The following ELP4 variants were observed in gnomAD, a reference collection of about 807,000 sequenced individuals.
ELP4 encodes the protein elongator complex protein 4.
ELP4 carries 51 observed loss-of-function variants against 48.9 expected under a neutral mutation model. The ratio of observed to expected loss-of-function variants is 1.04; its 90% CI spans 0.83 to 1.32. ELP4 has a LOEUF of 1.32. Ranked by LOEUF, ELP4 falls within the 40% of genes most tolerant of loss-of-function variation. The pLI, the probability that ELP4 is intolerant of heterozygous loss-of-function variation, is 0.00. For synonymous variants in ELP4, 210 were observed against 189.2 expected (o/e 1.11, Z -0.90); for missense variants, 519 against 514.6 (o/e 1.01, Z -0.08).
intron 9 of ELP4, among the ~76,000 whole-genome samples, chr11:31,753,599 G>A (rs991248335): frequency 1.3e-5 from 2 of 152,276 alleles, no homozygotes; most frequent in South Asian, 2.1e-4. Context: ...TATGGATACC[G>A]TGGATGTTTT....
chr11:31,781,406 G>A (rs1004256027), intron 9 of ELP4, among the ~76,000 whole-genome samples: 2 of 148,466 alleles, frequency 1.3e-5, no homozygotes, highest in Non-Finnish European at 3.0e-5. Context: ...GCTTCCTCAC[G>A]TGGACACTGA....
intron 9 of ELP4, among the ~76,000 whole-genome samples, chr11:31,721,704 T>C (rs955375877): frequency 1.3e-5 from 2 of 152,078 alleles, no homozygotes; most frequent in African/African-American, 4.8e-5. Flanking sequence ...AAAATATCAA[T>C]GAGCAAATCA....
intron 9 of ELP4, among the ~76,000 whole-genome samples, chr11:31,674,996 A>T (rs1945891817): frequency 6.6e-6 from 1 of 152,164 alleles, no homozygotes; most frequent in South Asian, 2.1e-4. Context: ...ACAACGTGGC[A>T]GTAACAAAGC....
chr11:31,596,856 T>C (rs1244855364), intron 4 of ELP4, among the ~76,000 whole-genome samples: 2 of 151,970 alleles, frequency 1.3e-5, no homozygotes, highest in East Asian at 3.9e-4. Flanking sequence ...TGGGCAGAAA[T>C]ATGAAAAGGA....
At chr11:31,712,123 A>G (rs538675934) in intron 9 of ELP4, among the ~76,000 whole-genome samples, 7 of 152,226 alleles carry the variant, frequency 4.6e-5, no homozygotes, top group Admixed American at 6.6e-5. Context: ...TGAACAACCT[A>G]GAATATAACA....
chr11:31,617,231 A>C (rs946885369), intron 5 of ELP4, among the ~76,000 whole-genome samples: 1 of 152,154 alleles, frequency 6.6e-6, no homozygotes, highest in Non-Finnish European at 1.5e-5. Context: ...TAGCCTTAAA[A>C]ATGATGGAAA....
chr11:31,688,322 C>T (rs1351448971), intron 9 of ELP4, among the ~76,000 whole-genome samples: 1 of 152,148 alleles, frequency 6.6e-6, no homozygotes, highest in East Asian at 1.9e-4. Flanking sequence ...ATCCTCACCC[C>T]TGGGAGATAC....
At chr11:31,601,114 A>G (rs1032912176) in intron 4 of ELP4, among the ~76,000 whole-genome samples, 1 of 151,552 alleles carries the variant, frequency 6.6e-6, no homozygotes, top group Non-Finnish European at 1.5e-5. Context: ...AAATGTGTCA[A>G]TTTTTATTGA....
At chr11:31,604,012 A>G in intron 5 of ELP4, 105 bp downstream of exon 5, 2 of 776,534 alleles carry the variant, frequency 2.6e-6, no homozygotes, top group Non-Finnish European at 3.8e-6. Context: ...AAATATCATA[A>G]TAATAAATAT....
intron 3 of ELP4, among the ~76,000 whole-genome samples, chr11:31,577,768 T>A (rs1565063359): frequency 6.6e-6 from 1 of 152,138 alleles, no homozygotes. Flanking sequence ...AAACTCTCAA[T>A]AAACTAGGTA....
intron 9 of ELP4, among the ~76,000 whole-genome samples, chr11:31,718,306 C>A (rs1431533974): frequency 6.6e-6 from 1 of 152,150 alleles, no homozygotes; most frequent in Non-Finnish European, 1.5e-5. Flanking sequence ...TGCAGATATA[C>A]CTGCCCAAGA....
At chr11:31,717,478 A>T (rs1946865390) in intron 9 of ELP4, among the ~76,000 whole-genome samples, 1 of 152,184 alleles carries the variant, frequency 6.6e-6, no homozygotes, top group East Asian at 1.9e-4. Context: ...ATTTATGGCC[A>T]GGCACAATGG....
chr11:31,747,138 T>C (rs1947613271), intron 9 of ELP4, among the ~76,000 whole-genome samples: 1 of 152,138 alleles, frequency 6.6e-6, no homozygotes, highest in Non-Finnish European at 1.5e-5. Flanking sequence ...GGTATAACCT[T>C]CTCTTTTTAA....
chr11:31,748,243 CTTT>C (rs374889218), intron 9 of ELP4, among the ~76,000 whole-genome samples: 3 of 130,546 alleles, frequency 2.3e-5, no homozygotes, highest in Non-Finnish European at 3.3e-5. Flanking sequence ...AAACCAAGAT[CTTT>C]TTTTTTTTTT....
chr11:31,510,959 T>G (rs901973554), intron 1 of ELP4: 9 of 152,348 alleles, frequency 5.9e-5, no homozygotes, highest in African/African-American at 2.2e-4. Context: ...CTTGTACACT[T>G]TCATAAAATA....
intron 9 of ELP4, among the ~76,000 whole-genome samples, chr11:31,679,527 T>C (rs1333436258): frequency 6.6e-6 from 1 of 152,184 alleles, no homozygotes; most frequent in Non-Finnish European, 1.5e-5. Flanking sequence ...CTTGCACATG[T>C]CTGAGTTTAA....
chr11:31,725,484 C>T (rs966466526), intron 9 of ELP4, among the ~76,000 whole-genome samples: 2 of 152,226 alleles, frequency 1.3e-5, no homozygotes, highest in South Asian at 4.1e-4. Context: ...CTAGTTCTCC[C>T]TGCCTTGCTT....
intron 9 of ELP4, among the ~76,000 whole-genome samples, chr11:31,678,174 C>T (rs1036235398): frequency 2.0e-5 from 3 of 152,110 alleles, no homozygotes; most frequent in Non-Finnish European, 2.9e-5. Context: ...AGGCCAGGTA[C>T]AGTGGCTCAT....
chr11:31,727,997 T>C (rs1400258517), intron 9 of ELP4: 1 of 152,138 alleles, frequency 6.6e-6, no homozygotes, highest in Non-Finnish European at 1.5e-5. Flanking sequence ...ATCTCAAAGA[T>C]AAAGTGCCTG....
Sources: gnomAD v4.1 joint callset for allele counts (sites outside exome capture counted in the v4.1 genomes callset) on GRCh38, gnomAD v4.1.1 for gene constraint, MANE v1.5 for transcripts, NCBI Gene and HGNC (gene_info 2026-07-23, HGNC 2026-07-21) for gene names.